The following CDH13 variants were observed in gnomAD, a reference collection of about 807,000 sequenced individuals.
CDH13 encodes cadherin 13, also known as cadherin-13.
CDH13 carries 24 observed loss-of-function variants against 63.8 expected under a neutral mutation model. The observed-to-expected ratio is 0.38, with a 90% CI of 0.27 to 0.53. CDH13 has a LOEUF of 0.53. Among genes scored for constraint, CDH13 ranks in the 20% least tolerant of loss-of-function variants. The pLI, the probability that CDH13 is intolerant of heterozygous loss-of-function variation, is 0.85. For missense variants in CDH13, 1,049 were observed against 903.1 expected, an observed-to-expected ratio of 1.16 and a Z score of -2.07; for synonymous variants, 503 against 355.3, an observed-to-expected ratio of 1.42 and a Z score of -4.67.
intron 6 of CDH13, among the ~76,000 whole-genome samples, chr16:83,427,283 C>T (rs543470011): frequency 7.1e-6 from 1 of 140,418 alleles, no homozygotes; most frequent in East Asian, 2.5e-4. Flanking sequence ...GAGATGGAGA[C>T]AGTGTTATTG....
chr16:83,478,858 A>G (rs1251433314), intron 6 of CDH13, among the ~76,000 whole-genome samples: 1 of 152,098 alleles, frequency 6.6e-6, no homozygotes. Context: ...AAAAAAGAAA[A>G]AAAGAAAAAG....
At chr16:83,391,742 A>G (rs751025883) in intron 6 of CDH13, among the ~76,000 whole-genome samples, 1 of 152,194 alleles carries the variant, frequency 6.6e-6, no homozygotes, top group Non-Finnish European at 1.5e-5. Context: ...GACATTCAGT[A>G]TTGCCATTGG....
At chr16:83,655,209 T>G (rs1912762190) in intron 8 of CDH13, 1 of 152,254 alleles carries the variant, frequency 6.6e-6, no homozygotes, top group African/African-American at 2.4e-5. Context: ...TGTCTGATCC[T>G]TCCAGCCTGG....
intron 2 of CDH13, among the ~76,000 whole-genome samples, chr16:82,961,065 G>A (rs898241159): frequency 6.6e-6 from 1 of 152,108 alleles, no homozygotes; most frequent in Admixed American, 6.5e-5. Flanking sequence ...TGCATCTGTC[G>A]ATAGCCACAT....
At chr16:83,223,534 T>C (rs1485332404) in intron 5 of CDH13, among the ~76,000 whole-genome samples, 2 of 152,226 alleles carry the variant, frequency 1.3e-5, no homozygotes, top group Admixed American at 6.5e-5. Flanking sequence ...CCTGCCACTT[T>C]GCTCTGATGC....
At chr16:83,637,206 A>G (rs114042386) in intron 8 of CDH13, among the ~76,000 whole-genome samples, 1,819 of 152,108 alleles carry the variant, frequency 0.012, 50 homozygotes, top group African/African-American at 0.042. Flanking sequence ...CATTGTAAAC[A>G]ACATTAAAAT....
rs538548148 is a variant in CDH13 at position 83,088,651 on chromosome 16, A to G, written c.367-36734A>G. 3.1e-3 allele frequency among the ~76,000 whole-genome samples: 468 copies of G among 152,336 alleles called. 2 individuals are homozygous for G. Among genetic ancestry groups the G allele is most frequent in the Non-Finnish European group, 4.9e-3 (335 of 68,030 alleles). ...AGAACAAAGTATTTACATTCTTCAT[A>G]TAATCAGAACTTTTCCAAAAACATG... On this transcript the variant is annotated intron_variant, in intron 3 of 13. Transcript: ENST00000567109.
chr16:83,440,504 G>T (rs34781516), intron 6 of CDH13, among the ~76,000 whole-genome samples: 1 of 151,926 alleles, frequency 6.6e-6, no homozygotes, highest in Non-Finnish European at 1.5e-5. Context: ...CAAGGGCCAG[G>T]CACGGTGGCT....
At position 83,424,633 on chromosome 16, in the gene CDH13, G is replaced by A. The variant is rs546483532; in HGVS notation, c.782-61844G>A. Among the ~76,000 whole-genome samples the A allele has an allele frequency of 3.9e-5, 6 of 152,172 alleles. No homozygotes were observed. The South Asian group carries it at 1.2e-3, about 32-fold the overall frequency. On this transcript the variant is annotated intron_variant, in intron 6 of 13. Coordinates refer to ENST00000567109, the MANE Select transcript of CDH13 (RefSeq NM_001257.5). ...ACTAAGCCCCCTCAAAAATAAAAAG[G>A]AAGAAATTACACATTTTCATAAATG...
chr16:83,231,077 G>A (rs756757021), intron 5 of CDH13, among the ~76,000 whole-genome samples: 1 of 152,028 alleles, frequency 6.6e-6, no homozygotes, highest in African/African-American at 2.4e-5. Context: ...GCAAGACCTG[G>A]TGCTAGGATC....
intron 7 of CDH13, among the ~76,000 whole-genome samples, chr16:83,506,840 C>A (rs112414617): frequency 6.6e-6 from 1 of 152,322 alleles, no homozygotes; most frequent in East Asian, 1.9e-4. Context: ...AGCATCAATT[C>A]TTTAGCCGTA....
intron 5 of CDH13, among the ~76,000 whole-genome samples, chr16:83,331,507 C>G (rs1240172848): frequency 5.9e-5 from 9 of 152,152 alleles, no homozygotes; most frequent in Non-Finnish European, 8.8e-5. Context: ...TTGTAATAAA[C>G]TCTAGTCAGT....
chr16:83,594,287 T>A (rs1330763974), intron 7 of CDH13, among the ~76,000 whole-genome samples: 1 of 152,232 alleles, frequency 6.6e-6, no homozygotes, highest in African/African-American at 2.4e-5. Flanking sequence ...GCACTTTACC[T>A]CTTTTAATTC....
chr16:83,540,910 G>A (rs965491156), intron 7 of CDH13, among the ~76,000 whole-genome samples: 4 of 152,178 alleles, frequency 2.6e-5, no homozygotes, highest in South Asian at 2.1e-4. Context: ...GATTATAGGC[G>A]TGAGCCACTG....
At chr16:83,433,890 C>G (rs1418852941) in intron 6 of CDH13, among the ~76,000 whole-genome samples, 3 of 152,108 alleles carry the variant, frequency 2.0e-5, no homozygotes, top group African/African-American at 4.8e-5. Context: ...CACTCTTAAT[C>G]TAAAAATATG....
intron 4 of CDH13, among the ~76,000 whole-genome samples, chr16:83,127,385 A>G (rs1429592002): frequency 1.3e-5 from 2 of 152,146 alleles, no homozygotes; most frequent in Non-Finnish European, 2.9e-5. Flanking sequence ...AAAGAGACCC[A>G]CTAAGAGGGG....
At chr16:83,080,090 G>T (rs898692408) in intron 3 of CDH13, among the ~76,000 whole-genome samples, 1 of 152,152 alleles carries the variant, frequency 6.6e-6, no homozygotes, top group Non-Finnish European at 1.5e-5. Context: ...CAGCAATCTT[G>T]TGGCCTGGGT....
chr16:83,273,001 GTGTGACTGGTGCC>G lies in CDH13; in HGVS notation c.636+55509_636+55521del, dbSNP rs1430649540. ...ATCTGCTCAGATAACCCAATCTGCAGTGTGACTGGTGCCTGTGGCTGGTGCCTACACAACAGGC... is the reference window on the plus strand; with the variant it reads ...ATCTGCTCAGATAACCCAATCTGCAGTGTGGCTGGTGCCTACACAACAGGC... On this transcript the variant is annotated intron_variant, in intron 5 of 13. Coordinates refer to ENST00000567109, the MANE Select transcript of CDH13 (RefSeq NM_001257.5). Among the ~76,000 whole-genome samples the G allele has an allele frequency of 2.7e-5, 4 of 150,356 alleles. No individual in the cohort carries two copies. The Admixed American group carries it at 2.7e-4, about 10-fold the overall frequency.
intron 2 of CDH13, among the ~76,000 whole-genome samples, chr16:82,955,599 T>G (rs1905955720): frequency 6.6e-6 from 1 of 152,078 alleles, no homozygotes; most frequent in Admixed American, 6.6e-5. Context: ...GTTTTTGTTT[T>G]TATTTGGCAC....
Sources: gnomAD v4.1 joint callset for allele counts (sites outside exome capture counted in the v4.1 genomes callset) on GRCh38, gnomAD v4.1.1 for gene constraint, MANE v1.5 for transcripts, NCBI Gene and HGNC (gene_info 2026-07-23, HGNC 2026-07-21) for gene names.